Variants in PDE3A observed in about 807,000 individuals in gnomAD.
PDE3A encodes phosphodiesterase 3A, also known as cGMP-inhibited 3',5'-cyclic phosphodiesterase 3A.
A neutral mutation model predicts 98.3 loss-of-function variants in PDE3A; 43 were observed. The ratio of observed to expected loss-of-function variants is 0.44; its 90% CI spans 0.34 to 0.56. The LOEUF is 0.56. PDE3A is among the 20% of genes least tolerant of loss of function. The pLI is 0.01. For synonymous variants in PDE3A, 663 were observed against 567.9 expected (o/e 1.17, Z -2.38); for missense variants, 1,427 against 1,440.7 (o/e 0.99, Z 0.15).
At chr12:20,404,203 C>T (rs1455439265) in intron 1 of PDE3A, among the ~76,000 whole-genome samples, 1 of 151,858 alleles carries the variant, frequency 6.6e-6, no homozygotes, top group African/African-American at 2.4e-5. Flanking sequence ...TTTCTTAAGC[C>T]CCATTCAAAT....
intron 1 of PDE3A, among the ~76,000 whole-genome samples, chr12:20,548,589 A>G (rs1942118549): frequency 6.6e-6 from 1 of 152,128 alleles, no homozygotes; most frequent in Non-Finnish European, 1.5e-5. Flanking sequence ...TAAAATCATT[A>G]GCATTCCTTC....
chr12:20,659,031 C>G (rs1344951167), intron 15 of PDE3A, among the ~76,000 whole-genome samples: 2 of 152,118 alleles, frequency 1.3e-5, no homozygotes, highest in Admixed American at 1.3e-4. Context: ...TTGGCACTCT[C>G]TCTTACAGAG....
intron 1 of PDE3A, among the ~76,000 whole-genome samples, chr12:20,426,338 A>G (rs765487901): frequency 6.6e-6 from 1 of 152,224 alleles, no homozygotes; most frequent in Non-Finnish European, 1.5e-5. Flanking sequence ...GCTTAATATG[A>G]GCCAACTGTA....
At chr12:20,400,410 T>G (rs1189748370) in intron 1 of PDE3A, among the ~76,000 whole-genome samples, 1 of 50,582 alleles carries the variant, frequency 2.0e-5, no homozygotes, top group African/African-American at 5.8e-5. Flanking sequence ...TTTTTTTTTT[T>G]TTTTTTTTTT....
intron 1 of PDE3A, among the ~76,000 whole-genome samples, chr12:20,540,808 T>A (rs1941877974): frequency 6.6e-6 from 1 of 152,082 alleles, no homozygotes; most frequent in African/African-American, 2.4e-5. Flanking sequence ...TGTGCAGATA[T>A]TTTGTTTGCC....
intron 6 of PDE3A, among the ~76,000 whole-genome samples, chr12:20,630,967 C>T (rs1358773681): frequency 6.6e-6 from 1 of 151,940 alleles, no homozygotes; most frequent in African/African-American, 2.4e-5. Context: ...TCAAATATTA[C>T]CTCATAGACT....
chr12:20,508,024 G>A (rs1946149859), intron 1 of PDE3A, among the ~76,000 whole-genome samples: 1 of 151,988 alleles, frequency 6.6e-6, no homozygotes, highest in Non-Finnish European at 1.5e-5. Flanking sequence ...CATGGCCTGT[G>A]CAATTAGGCT....
In PDE3A at chr12:20,552,466, G is replaced by A; in HGVS notation, c.961-4194G>A. The A allele has an allele frequency of 1.9e-6, 3 of 1,612,882 alleles. No homozygotes were observed. The South Asian group carries it at 3.3e-5, about 18-fold the overall frequency. On this transcript the variant is annotated intron_variant, in intron 1 of 15. Transcript: ENST00000359062. This position sits in a 1 kb window ranked among gnomAD's most constrained non-coding sequence, Gnocchi z 5.1. Reference sequence around the variant, plus strand: ...CATGCAGTATCCAGAAGGCTACCTGGAAGCCCTGGCCAACCGAGAGCGAGA... The same window carrying A: ...CATGCAGTATCCAGAAGGCTACCTGAAAGCCCTGGCCAACCGAGAGCGAGA...
chr12:20,452,382 T>C (rs1022329884), intron 1 of PDE3A, among the ~76,000 whole-genome samples: 2 of 152,236 alleles, frequency 1.3e-5, no homozygotes, highest in Admixed American at 1.3e-4. Context: ...GCATTAGAAC[T>C]GAAGTCATCT....
chr12:20,442,280 T>A (rs1422811999), intron 1 of PDE3A, among the ~76,000 whole-genome samples: 1 of 152,212 alleles, frequency 6.6e-6, no homozygotes, highest in Non-Finnish European at 1.5e-5. Flanking sequence ...TTAGTTAGGA[T>A]AGGCTAAGCT....
intron 2 of PDE3A, among the ~76,000 whole-genome samples, chr12:20,561,463 G>C (rs905943944): frequency 6.6e-6 from 1 of 152,276 alleles, no homozygotes; most frequent in East Asian, 1.9e-4. Context: ...TTCCTGCCCA[G>C]TACAAAGCAG....
chr12:20,618,677 G>A (rs962329101), intron 4 of PDE3A, among the ~76,000 whole-genome samples: 18 of 152,018 alleles, frequency 1.2e-4, no homozygotes, highest in African/African-American at 4.3e-4. Flanking sequence ...GGGGAACTAT[G>A]ACATAATTGG....
chr12:20,678,625 G>A (rs1176595668), intron 15 of PDE3A, among the ~76,000 whole-genome samples: 2 of 152,188 alleles, frequency 1.3e-5, no homozygotes, highest in Non-Finnish European at 2.9e-5. Context: ...CTAACAGCTT[G>A]TTCTTTCAGC....
In PDE3A at chr12:20,635,018, G is replaced by A. The variant is rs746439811; in HGVS notation, c.1963G>A (p.Ala655Thr). Residue 655 changes from alanine (A) to threonine (T), a missense_variant, in exon 8 of 16, where the codon GCT becomes ACT. By Grantham distance (58) the Ala-to-Thr change is moderately conservative. This residue lies in a region of PDE3A where 1,012 missense variants were observed against 886.5 expected (regional missense o/e 1.14). Coordinates refer to ENST00000359062, the MANE Select transcript of PDE3A (RefSeq NM_000921.5). The part of the protein sequence containing the change: ...CLREPLRKAS[A>T]CSTYAPETMM... Reference sequence around the variant, plus strand: ...GAGAGAGCCTCTGAGGAAAGCATCGGCTTGCAGCACCTATGCTCCTGAGAC... The same window carrying A: ...GAGAGAGCCTCTGAGGAAAGCATCGACTTGCAGCACCTATGCTCCTGAGAC... The A allele has an allele frequency of 4.3e-6, 7 of 1,613,724 alleles. No individual in the cohort carries two copies. Among genetic ancestry groups the A allele is most frequent in the East Asian group, 2.2e-5 (1 of 44,858 alleles).
At chr12:20,487,951 G>A (rs775484601) in intron 1 of PDE3A, among the ~76,000 whole-genome samples, 1 of 151,778 alleles carries the variant, frequency 6.6e-6, no homozygotes, top group Non-Finnish European at 1.5e-5. Flanking sequence ...CTCATCAGTT[G>A]GAATTATGTT....
chr12:20,486,706 C>G (rs1379441508), intron 1 of PDE3A, among the ~76,000 whole-genome samples: 2 of 152,116 alleles, frequency 1.3e-5, no homozygotes, highest in East Asian at 1.9e-4. Context: ...CAATCTCAAT[C>G]CACTGCAACC....
chr12:20,373,117 G>A (rs1464813191), intron 1 of PDE3A, among the ~76,000 whole-genome samples: 1 of 151,888 alleles, frequency 6.6e-6, no homozygotes. Context: ...TTTATTCTCA[G>A]GAAAAAACAA....
intron 13 of PDE3A, among the ~76,000 whole-genome samples, chr12:20,649,880 C>A (rs1206861572): frequency 1.3e-5 from 2 of 152,034 alleles, no homozygotes; most frequent in African/African-American, 2.4e-5. Context: ...TGAGCCAAGA[C>A]TGGACCATGA....
At chr12:20,649,809 C>G (rs1256993516) in intron 13 of PDE3A, among the ~76,000 whole-genome samples, 2 of 151,982 alleles carry the variant, frequency 1.3e-5, no homozygotes, top group African/African-American at 2.4e-5. Context: ...CCCTGTAGTC[C>G]TACCTACTTG....
Sources: gnomAD v4.1 joint callset for allele counts (sites outside exome capture counted in the v4.1 genomes callset) on GRCh38, gnomAD v4.1.1 for gene constraint, gnomAD v4.1.1 regional missense constraint, Gnocchi (gnomAD v3.1) non-coding constraint, MANE v1.5 for transcripts, NCBI Gene and HGNC (gene_info 2026-07-23, HGNC 2026-07-21) for gene names.